OSBPL1A: variants seen among roughly 807,000 people sequenced by gnomAD.
The protein encoded by OSBPL1A is oxysterol binding protein like 1A, also known as oxysterol-binding protein-related protein 1.
In OSBPL1A, 80 loss-of-function variants were observed where a neutral mutation model predicts 137.1. That is an observed-to-expected ratio of 0.58 (90% confidence interval 0.49 to 0.70). The LOEUF is 0.70. Among genes scored for constraint, OSBPL1A ranks in the 30% least tolerant of loss-of-function variants. The pLI is 0.00. For synonymous variants in OSBPL1A, 365 were observed against 389.7 expected (o/e 0.94, Z 0.75); for missense variants, 970 against 1,129.4 (o/e 0.86, Z 2.02).
chr18:24,235,420 A>AT (rs35760735), intron 16 of OSBPL1A, among the ~76,000 whole-genome samples: 70,306 of 152,032 alleles, frequency 0.46, 17,396 homozygotes, highest in East Asian at 0.84. Flanking sequence ...GAGTAGGGGA[A>AT]TGGTAGAGCT....
intron 18 of OSBPL1A, among the ~76,000 whole-genome samples, chr18:24,184,226 T>A (rs1274566615): frequency 7.0e-6 from 1 of 141,914 alleles, no homozygotes; most frequent in African/African-American, 2.5e-5. Context: ...TTTTTTTAGA[T>A]ACTACCAAGC....
chr18:24,260,188 G>A (rs2089408848), intron 15 of OSBPL1A, among the ~76,000 whole-genome samples: 1 of 152,092 alleles, frequency 6.6e-6, no homozygotes, highest in Admixed American at 6.5e-5. Context: ...GAAGAATGTG[G>A]GGAAAGTGGA....
At chr18:24,318,870 C>T (rs1599660378) in intron 7 of OSBPL1A, 61 bp from the exon 8 acceptor site, 1 of 1,340,898 alleles carries the variant, frequency 7.5e-7, no homozygotes, top group Non-Finnish European at 1.1e-6. Context: ...ACAATCAATG[C>T]TGTAACTGCA....
intron 5 of OSBPL1A, among the ~76,000 whole-genome samples, chr18:24,338,899 A>G (rs2091226971): frequency 6.6e-6 from 1 of 152,062 alleles, no homozygotes; most frequent in Admixed American, 6.6e-5. Context: ...TTTTTAGTAG[A>G]GACGGGGTTT....
At chr18:24,236,355 T>C (rs892883679) in intron 16 of OSBPL1A, among the ~76,000 whole-genome samples, 15 of 152,116 alleles carry the variant, frequency 9.9e-5, no homozygotes, top group African/African-American at 3.4e-4. Flanking sequence ...ATTTGTTCCC[T>C]TGTAATAGAG....
At chr18:24,315,977 C>T (rs995722605) in intron 11 of OSBPL1A, among the ~76,000 whole-genome samples, 5 of 146,130 alleles carry the variant, frequency 3.4e-5, no homozygotes, top group African/African-American at 1.3e-4. Flanking sequence ...ACCTGACATA[C>T]GGGCTGGGTG....
intron 15 of OSBPL1A, among the ~76,000 whole-genome samples, chr18:24,242,346 AAAG>A (rs2088729758): frequency 6.7e-6 from 1 of 150,084 alleles, no homozygotes; most frequent in Non-Finnish European, 1.5e-5. Flanking sequence ...TAAAAAAAAA[AAAG>A]AAAGAAAGAA....
rs371554931 is a variant in OSBPL1A, at chr18:24,171,489, G to T, written c.2211C>A (p.Asp737Glu). The change falls in exon 23 of 28, where the codon GAC (aspartate) becomes GAA (glutamate). Residue 737 changes from aspartate to glutamate, a missense_variant. Asp to Glu is a conservative substitution (Grantham distance 45). Around this residue, in one of 2 missense-constraint regions of OSBPL1A, gnomAD observed 323 missense variants for 456.8 expected, o/e 0.71. Transcript: ENST00000319481. ...NVEIINHKTG[D>E]KCVLNFKPCG... Reference sequence around the variant, plus strand: ...ATGGCTTAAAATTCAACACACATTTGTCCCCAGTCCTATAAAGAAAATACT... The same window carrying T: ...ATGGCTTAAAATTCAACACACATTTTTCCCCAGTCCTATAAAGAAAATACT... 2 of 1,611,842 alleles carry T rather than the reference G, an allele frequency of 1.2e-6. No homozygotes were observed. The highest frequency in any genetic ancestry group is 2.7e-5 in the African/African-American group (2 of 74,810).
chr18:24,381,448 A>C (rs1349535957), intron 1 of OSBPL1A, among the ~76,000 whole-genome samples: 3 of 152,162 alleles, frequency 2.0e-5, no homozygotes, highest in African/African-American at 7.2e-5. Context: ...GTCTGATTAA[A>C]GTTTGGCCAA....
chr18:24,367,081 A>T (rs906760473), intron 3 of OSBPL1A, 115 bp from the exon 4 acceptor site: 3 of 774,136 alleles, frequency 3.9e-6, no homozygotes, highest in Non-Finnish European at 5.6e-6. Context: ...AGGTGTCAGT[A>T]CTAACAATAA....
chr18:24,163,785 T>G (rs2086077157), intron 27 of OSBPL1A, among the ~76,000 whole-genome samples: 1 of 151,202 alleles, frequency 6.6e-6, no homozygotes, highest in Non-Finnish European at 1.5e-5. Flanking sequence ...CAGGCTGGAG[T>G]GCGATGGTGC....
At chr18:24,288,579 C>T (rs1473316950) in intron 14 of OSBPL1A, among the ~76,000 whole-genome samples, 1 of 151,844 alleles carries the variant, frequency 6.6e-6, no homozygotes, top group Non-Finnish European at 1.5e-5. Flanking sequence ...ACTAGCCTGG[C>T]CAACATGGTG....
intron 21 of OSBPL1A, among the ~76,000 whole-genome samples, chr18:24,175,087 G>T (rs2086389181): frequency 8.1e-6 from 1 of 123,070 alleles, no homozygotes; most frequent in African/African-American, 3.8e-5. Flanking sequence ...CTGACTTCAT[G>T]TGCTTATTTG....
chr18:24,322,416 C>T (rs147700566), intron 7 of OSBPL1A, among the ~76,000 whole-genome samples: 112 of 152,022 alleles, frequency 7.4e-4, no homozygotes, highest in African/African-American at 2.4e-3. Flanking sequence ...CCACCGTGCC[C>T]GGCCTTGTAT....
intron 4 of OSBPL1A, among the ~76,000 whole-genome samples, chr18:24,366,023 C>T (rs28833270): frequency 6.6e-6 from 1 of 152,168 alleles, no homozygotes; most frequent in African/African-American, 2.4e-5. Flanking sequence ...CTCCCCACCC[C>T]TCAGACACCA....
intron 4 of OSBPL1A, among the ~76,000 whole-genome samples, chr18:24,342,551 A>C (rs2091288585): frequency 1.3e-5 from 2 of 152,158 alleles, no homozygotes; most frequent in Non-Finnish European, 2.9e-5. Context: ...GTGTTGCTAC[A>C]CGTTATGCTG....
chr18:24,326,031 C>T (rs980645249), intron 7 of OSBPL1A, among the ~76,000 whole-genome samples: 2 of 150,952 alleles, frequency 1.3e-5, no homozygotes, highest in South Asian at 4.2e-4. Flanking sequence ...GGATTACAGG[C>T]GTGAGCCACC....
intron 27 of OSBPL1A, 78 bp downstream of exon 27, chr18:24,164,987 G>T: frequency 7.0e-7 from 1 of 1,426,094 alleles, no homozygotes; most frequent in Non-Finnish European, 9.8e-7. Context: ...TGGGGTCACA[G>T]TGTCTGGCAT....
chr18:24,288,830 A>G (rs1293422951), intron 14 of OSBPL1A, among the ~76,000 whole-genome samples: 2 of 152,024 alleles, frequency 1.3e-5, no homozygotes, highest in East Asian at 3.9e-4. Context: ...TCAATGGGAA[A>G]GATGGCTATG....
Sources: gnomAD v4.1 joint callset for allele counts (sites outside exome capture counted in the v4.1 genomes callset) on GRCh38, gnomAD v4.1.1 for gene constraint, gnomAD v4.1.1 regional missense constraint, MANE v1.5 for transcripts, NCBI Gene and HGNC (gene_info 2026-07-23, HGNC 2026-07-21) for gene names.